Variants in ACTN2 observed in about 807,000 individuals in gnomAD.
The protein encoded by ACTN2 is actinin alpha 2.
Under a neutral mutation model 113.8 loss-of-function variants are expected in ACTN2, and 39 were observed. The ratio of observed to expected loss-of-function variants is 0.34; its 90% CI spans 0.27 to 0.45. The LOEUF is 0.45. Among genes scored for constraint, ACTN2 ranks in the 20% least tolerant of loss-of-function variants. The probability of loss-of-function intolerance (pLI) is 1.00; values close to 1 mark genes in which losing one functional copy is unlikely to be tolerated. For missense variants in ACTN2, 992 were observed against 1,177.9 expected (o/e 0.84, Z 2.31); for synonymous variants, 429 against 444.1 (o/e 0.97, Z 0.43).
In ACTN2 at chr1:236,740,745, C is replaced by T. The variant is rs148963780; in HGVS notation, c.1107+1213C>T. On this transcript the variant is annotated intron_variant, in intron 10 of 20. Coordinates refer to ENST00000366578, the MANE Select transcript of ACTN2 (RefSeq NM_001103.4). ...GTGGGGTTTCACCATATTGGCCAGGCTGGTCTCGAACTCCTGACCTTGTGA... is the reference window on the plus strand; with the variant it reads ...GTGGGGTTTCACCATATTGGCCAGGTTGGTCTCGAACTCCTGACCTTGTGA... Among the ~76,000 whole-genome samples, 834 of 152,134 alleles carry T rather than the reference C, an allele frequency of 5.5e-3. 7 individuals are homozygous for T. The highest frequency in any genetic ancestry group is 0.019 in the African/African-American group (806 of 41,522).
rs1439009491 is a variant in ACTN2 at position 236,749,238 on chromosome 1, A to C, written c.1630A>C (p.Ile544Leu). 1 of 1,614,054 alleles carries C rather than the reference A, an allele frequency of 6.2e-7. No individual in the cohort carries two copies. The highest frequency in any genetic ancestry group is 1.7e-5 in the Admixed American group (1 of 60,004). ...TATGGAGGATCTGCAAGATATGTTCATTGTCCACAGCATTGAGGAGATCCA... is the reference window on the plus strand; with the variant it reads ...TATGGAGGATCTGCAAGATATGTTCCTTGTCCACAGCATTGAGGAGATCCA... ...GAMEDLQDMFIVHSIEEIQSL... is the reference protein window; with the variant it reads ...GAMEDLQDMFLVHSIEEIQSL... The change falls in exon 14 of 21, where the codon ATT becomes CTT. Residue 544 changes from isoleucine (I) to leucine (L), a missense_variant. Ile to Leu is a conservative substitution (Grantham distance 5). Around this residue, in one of 3 missense-constraint regions of ACTN2, gnomAD observed 736 missense variants for 815.4 expected, o/e 0.90. Transcript: ENST00000366578.
At chr1:236,741,957 C>T (rs1229294397) in intron 10 of ACTN2, among the ~76,000 whole-genome samples, 1 of 152,206 alleles carries the variant, frequency 6.6e-6, no homozygotes, top group Non-Finnish European at 1.5e-5. Flanking sequence ...CCACCGCTGC[C>T]ACACCCCCTG....
At chr1:236,737,851 C>T (rs997827073) in intron 9 of ACTN2, among the ~76,000 whole-genome samples, 2 of 152,286 alleles carry the variant, frequency 1.3e-5, no homozygotes, top group African/African-American at 2.4e-5. Flanking sequence ...GCATACGTAG[C>T]GACTACGCAG....
chr1:236,760,893 G>T (rs545238709), intron 19 of ACTN2, 122 bp from the exon 20 acceptor site: 1 of 1,250,932 alleles, frequency 8.0e-7, no homozygotes, highest in Non-Finnish European at 1.2e-6. Flanking sequence ...GAAGGGAAAC[G>T]CAGGTAATAA....
intron 1 of ACTN2, among the ~76,000 whole-genome samples, chr1:236,688,614 A>G (rs1165644737): frequency 2.6e-5 from 4 of 152,216 alleles, no homozygotes; most frequent in African/African-American, 9.6e-5. Flanking sequence ...CCCAGTCCAA[A>G]ATAATGTTAG....
At chr1:236,701,857 G>A (rs1657687000) in intron 1 of ACTN2, among the ~76,000 whole-genome samples, 1 of 152,188 alleles carries the variant, frequency 6.6e-6, no homozygotes, top group Admixed American at 6.5e-5. Context: ...GATAAATCAT[G>A]TTGAATAGAA....
intron 1 of ACTN2, among the ~76,000 whole-genome samples, chr1:236,710,823 G>A (rs2794790): frequency 0.97 from 147,199 of 152,308 alleles, 71,168 homozygotes; most frequent in East Asian, 1. Flanking sequence ...TACATTGTGC[G>A]CTCTTTATGA....
intron 19 of ACTN2, among the ~76,000 whole-genome samples, chr1:236,760,796 C>T (rs1290400498): frequency 2.0e-5 from 3 of 152,234 alleles, no homozygotes; most frequent in Admixed American, 2.0e-4. Flanking sequence ...CATTTACAAG[C>T]TTCTGGTTTG....
intron 1 of ACTN2, among the ~76,000 whole-genome samples, chr1:236,711,354 A>T (rs1017674959): frequency 2.6e-5 from 4 of 151,844 alleles, no homozygotes; most frequent in Non-Finnish European, 5.9e-5. Flanking sequence ...ATGTCTTTTT[A>T]TTTTTTATTT....
intron 3 of ACTN2, among the ~76,000 whole-genome samples, chr1:236,719,451 G>C (rs1652226): frequency 6.6e-6 from 1 of 152,068 alleles, no homozygotes; most frequent in Non-Finnish European, 1.5e-5. Flanking sequence ...CCGTAAGAAG[G>C]GTCAGGGTAA....
chr1:236,708,510 A>G (rs775873569), intron 1 of ACTN2, among the ~76,000 whole-genome samples: 6 of 152,220 alleles, frequency 3.9e-5, no homozygotes, highest in African/African-American at 4.8e-5. Flanking sequence ...TTGTGGATCT[A>G]GAGAACTTCC....
Position 236,737,140 on chromosome 1 carries a change from A to G in ACTN2, c.802A>G (p.Arg268Gly). ...GAEQAETAAN[R>G]ICKVLAVNQE... ...TTTACAGGCCGAGACAGCGGCTAACAGGATATGTAAGGTTCTTGCTGTGAA... is the reference window on the plus strand; with the variant it reads ...TTTACAGGCCGAGACAGCGGCTAACGGGATATGTAAGGTTCTTGCTGTGAA... Residue 268 changes from arginine (R) to glycine (G), a missense_variant, in exon 9 of 21, where the codon AGG (arginine) becomes GGG (glycine). Arg to Gly is a moderately radical substitution (Grantham distance 125). Coordinates refer to ENST00000366578, the MANE Select transcript of ACTN2 (RefSeq NM_001103.4). 1 of 1,604,196 alleles carries G rather than the reference A, an allele frequency of 6.2e-7. No individual in the cohort carries two copies. Among genetic ancestry groups the G allele is most frequent in the East Asian group, 2.2e-5 (1 of 44,540 alleles).
intron 3 of ACTN2, among the ~76,000 whole-genome samples, chr1:236,719,543 C>A (rs1482033028): frequency 1.3e-5 from 2 of 152,190 alleles, no homozygotes; most frequent in African/African-American, 4.8e-5. Flanking sequence ...CATCCCAGCA[C>A]TTTGAGAGGC....
chr1:236,755,522 C>T (rs1257129052), intron 17 of ACTN2, among the ~76,000 whole-genome samples: 1 of 152,196 alleles, frequency 6.6e-6, no homozygotes, highest in Non-Finnish European at 1.5e-5. Context: ...TGGGAGCCAG[C>T]AGGTATAACT....
intron 1 of ACTN2, among the ~76,000 whole-genome samples, chr1:236,697,624 G>A (rs1657551606): frequency 6.6e-6 from 1 of 152,192 alleles, no homozygotes; most frequent in African/African-American, 2.4e-5. Context: ...TCTTTCTGGA[G>A]AAATCTCACC....
intron 1 of ACTN2, among the ~76,000 whole-genome samples, chr1:236,690,872 A>G (rs1666056125): frequency 6.6e-6 from 1 of 151,238 alleles, no homozygotes; most frequent in Non-Finnish European, 1.5e-5. Context: ...CTTTTCTATC[A>G]TCTCACATTG....
In ACTN2 at chr1:236,696,951, C is replaced by T. The variant is rs759774234; in HGVS notation, c.126+10152C>T. 6.1e-5 allele frequency among the ~76,000 whole-genome samples: 9 copies of T among 147,664 alleles called. No homozygotes were observed. The South Asian group carries it at 6.6e-4, about 11-fold the overall frequency. ...TGCTGGGATTACAGGCATGAGCCAC[C>T]GTGCCCGGCCATTGTTGTCCCACTA... On this transcript the variant is annotated intron_variant, in intron 1 of 20. Coordinates refer to ENST00000366578, the MANE Select transcript of ACTN2 (RefSeq NM_001103.4).
At chr1:236,757,385 TAGTA>T (rs1659580159) in intron 17 of ACTN2, 97 bp from the exon 18 acceptor site, 1 of 1,447,368 alleles carries the variant, frequency 6.9e-7, no homozygotes, top group South Asian at 1.1e-5. Context: ...GAGCCCTGCT[TAGTA>T]AGCCCTTTGA....
rs929376504 is a variant in ACTN2, at chr1:236,763,113, A to T, written c.*494A>T. 2.8e-5 allele frequency: 5 copies of T among 178,344 alleles called. No individual in the cohort carries two copies. Among genetic ancestry groups the T allele is most frequent in the South Asian group, 1.1e-4 (1 of 8,802 alleles). The allele number at this position is 178,344 out of a possible 1,614,324, so 11.0% of individuals were successfully genotyped here. On this transcript the variant is annotated 3_prime_UTR_variant, in exon 21 of 21. Coordinates refer to ENST00000366578, the MANE Select transcript of ACTN2 (RefSeq NM_001103.4). ...ATTCTAATGTTTTATTTTCATGCTT[A>T]TCCAAAGATTACTATTGTATCTTCA...
Sources: gnomAD v4.1 joint callset for allele counts (sites outside exome capture counted in the v4.1 genomes callset) on GRCh38, gnomAD v4.1.1 for gene constraint, gnomAD v4.1.1 regional missense constraint, MANE v1.5 for transcripts, NCBI Gene and HGNC (gene_info 2026-07-23, HGNC 2026-07-21) for gene names.